FGD4: variants seen among roughly 807,000 people sequenced by gnomAD.
FGD4 encodes the protein FYVE, RhoGEF and PH domain containing 4.
A neutral mutation model predicts 102.0 loss-of-function variants in FGD4; 42 were observed. That is an observed-to-expected ratio of 0.41 (90% CI 0.32 to 0.53). FGD4 has a LOEUF of 0.53. Among genes scored for constraint, FGD4 ranks in the 20% least tolerant of loss-of-function variants. The probability of loss-of-function intolerance (pLI) is 0.21; values close to 1 mark genes in which losing one functional copy is unlikely to be tolerated. For missense variants in FGD4, 902 were observed against 1,078.2 expected (o/e 0.84, Z 2.29); for synonymous variants, 380 against 375.7 (o/e 1.01, Z -0.13).
At chr12:32,401,487 C>G (rs1341847087) in intron 1 of FGD4, among the ~76,000 whole-genome samples, 5 of 151,964 alleles carry the variant, frequency 3.3e-5, no homozygotes, top group Non-Finnish European at 7.4e-5. Flanking sequence ...TCTCGAACTC[C>G]TGATCTCAAG....
intron 1 of FGD4, among the ~76,000 whole-genome samples, chr12:32,420,669 A>G (rs1051029714): frequency 1.1e-4 from 16 of 152,018 alleles, no homozygotes; most frequent in Admixed American, 1.0e-3. Flanking sequence ...GCTTTCCCTG[A>G]CTAGAAAAAA....
At chr12:32,631,503 C>CTTTTT (rs1228901589) in intron 14 of FGD4, among the ~76,000 whole-genome samples, 9 of 124,556 alleles carry the variant, frequency 7.2e-5, no homozygotes, top group South Asian at 2.7e-4. Flanking sequence ...GAGCAAACAG[C>CTTTTT]TTTTTTTTTT....
At chr12:32,553,092 C>A (rs1943834370) in intron 1 of FGD4, among the ~76,000 whole-genome samples, 2 of 151,990 alleles carry the variant, frequency 1.3e-5, no homozygotes, top group Non-Finnish European at 2.9e-5. Flanking sequence ...CTGCACCTGG[C>A]CGGAGTATGC....
intron 7 of FGD4, among the ~76,000 whole-genome samples, chr12:32,606,545 C>A (rs1592383197): frequency 1.3e-5 from 2 of 150,844 alleles, no homozygotes; most frequent in Non-Finnish European, 2.9e-5. Flanking sequence ...CCTGTTCTCT[C>A]AGGTTTCTCC....
intron 1 of FGD4, among the ~76,000 whole-genome samples, chr12:32,548,832 C>T (rs1433204632): frequency 2.0e-5 from 3 of 152,154 alleles, no homozygotes; most frequent in South Asian, 2.1e-4. Flanking sequence ...TGGGAACATA[C>T]GGGATCAGGT....
rs576112325 is a variant in FGD4, at chr12:32,474,506, T to A, written c.166+74547T>A. Among the ~76,000 whole-genome samples, 12 of 152,332 alleles carry A rather than the reference T, an allele frequency of 7.9e-5. No individual in the cohort carries two copies. The South Asian group carries it at 2.5e-3, about 32-fold the overall frequency. On this transcript the variant is annotated intron_variant, in intron 1 of 16. Coordinates refer to ENST00000534526, the MANE Select transcript of FGD4 (RefSeq NM_001370298.3). The stretch of plus-strand genomic sequence containing the variant: ...CAGTCACAAAAGACCATGTGTTGTA[T>A]GCTTCCATGTATATGAAATGTCCCA...
intron 1 of FGD4, among the ~76,000 whole-genome samples, chr12:32,533,573 A>G (rs982280343): frequency 6.6e-6 from 1 of 152,018 alleles, no homozygotes; most frequent in Non-Finnish European, 1.5e-5. Context: ...TTACAGGTGC[A>G]TGCCACCACA....
intron 1 of FGD4, among the ~76,000 whole-genome samples, chr12:32,411,148 C>T (rs562239686): frequency 7.9e-5 from 12 of 151,052 alleles, no homozygotes; most frequent in Non-Finnish European, 1.2e-4. Context: ...AGACTGGTCT[C>T]GAACTCCTGA....
At position 32,641,242 on chromosome 12, in the gene FGD4, G is replaced by A. The variant is rs1951142061; in HGVS notation, c.*709G>A. 6.6e-6 allele frequency: 1 copy of A among 152,038 alleles called. No individual in the cohort carries two copies. The highest frequency in any genetic ancestry group is 6.6e-5 in the Admixed American group (1 of 15,244). The allele number at this position is 152,038 out of a possible 1,614,324, so 9.4% of individuals were successfully genotyped here. On this transcript the variant is annotated 3_prime_UTR_variant, in exon 17 of 17. Transcript: ENST00000534526. ...ATAAAGCATGGTTTATCGTGGAATT[G>A]AGCAATGTTCTAAACTGAAGAAATG... is the stretch of plus-strand genomic sequence containing the variant.
At chr12:32,456,592 C>A (rs932828395) in intron 1 of FGD4, among the ~76,000 whole-genome samples, 1 of 152,108 alleles carries the variant, frequency 6.6e-6, no homozygotes, top group Non-Finnish European at 1.5e-5. Flanking sequence ...GAGATTGATG[C>A]TGCCAAATAT....
intron 1 of FGD4, among the ~76,000 whole-genome samples, chr12:32,418,920 G>C (rs1941526421): frequency 1.3e-5 from 2 of 152,154 alleles, no homozygotes; most frequent in South Asian, 4.1e-4. Context: ...GGTGGCACGT[G>C]ACCCACAAGA....
At chr12:32,625,112 T>A in intron 13 of FGD4, 44 bp downstream of exon 13, 2 of 1,494,268 alleles carry the variant, frequency 1.3e-6, no homozygotes, top group Non-Finnish European at 9.3e-7. Context: ...TTCATATCTT[T>A]GCAGGTGTAG....
intron 1 of FGD4, among the ~76,000 whole-genome samples, chr12:32,449,920 T>A (rs1040535019): frequency 2.1e-5 from 2 of 95,098 alleles, no homozygotes; most frequent in Non-Finnish European, 5.5e-5. Flanking sequence ...TTTTTATTTA[T>A]TTTTTTTTAT....
chr12:32,530,941 G>GTTTTTTTTTTTTTTTTTT lies in FGD4; in HGVS notation c.167-33184_167-33167dup, dbSNP rs768536136. Among the ~76,000 whole-genome samples the GTTTTTTTTTTTTTTTTTT allele has an allele frequency of 1.4e-4, 10 of 70,478 alleles. 2 individuals are homozygous for GTTTTTTTTTTTTTTTTTT. Among genetic ancestry groups the GTTTTTTTTTTTTTTTTTT allele is most frequent in the African/African-American group, 6.9e-4 (10 of 14,492 alleles). The allele number at this position is 70,478 out of a possible 152,430, so 46.2% of individuals were successfully genotyped here. ...TATGACAATCAGTTTCCTAGCTTTGGTTTTTTTTTTTTTTTTTTTTTTTTT... is the reference window on the plus strand; with the variant it reads ...TATGACAATCAGTTTCCTAGCTTTGGTTTTTTTTTTTTTTTTTTTTTTTTTTTTTTTTTTTTTTTTTTT... On this transcript the variant is annotated intron_variant, in intron 1 of 16. Coordinates refer to ENST00000534526, the MANE Select transcript of FGD4 (RefSeq NM_001370298.3).
chr12:32,602,983 T>C (rs953820895), intron 7 of FGD4, among the ~76,000 whole-genome samples: 1 of 152,192 alleles, frequency 6.6e-6, no homozygotes, highest in African/African-American at 2.4e-5. Flanking sequence ...CAGTGGTTGC[T>C]TTTAGGATTA....
At chr12:32,502,384 TG>T (rs1938291704) in intron 1 of FGD4, 1 of 974,600 alleles carries the variant, frequency 1.0e-6, no homozygotes, top group Non-Finnish European at 1.2e-6. Flanking sequence ...TACGTTTGTG[TG>T]GGGGCATTAT....
chr12:32,469,633 AGTTT>A (rs1943361876), intron 1 of FGD4, among the ~76,000 whole-genome samples: 1 of 150,694 alleles, frequency 6.6e-6, no homozygotes, highest in South Asian at 2.1e-4. Context: ...CCTAGACTAC[AGTTT>A]GTTTAAACCA....
chr12:32,463,582 A>G (rs1409486637), intron 1 of FGD4, among the ~76,000 whole-genome samples: 1 of 152,242 alleles, frequency 6.6e-6, no homozygotes, highest in African/African-American at 2.4e-5. Context: ...ACTCTGTGCA[A>G]TGAACATGGA....
intron 1 of FGD4, among the ~76,000 whole-genome samples, chr12:32,431,386 G>C (rs908262663): frequency 5.3e-5 from 8 of 152,156 alleles, no homozygotes; most frequent in Admixed American, 3.9e-4. Context: ...CATAGGTCCT[G>C]AGTCCCAGTG....
Sources: allele counts gnomAD v4.1 joint callset (sites outside exome capture counted in the v4.1 genomes callset), GRCh38; gene constraint gnomAD v4.1.1; transcripts MANE v1.5; gene names NCBI Gene and HGNC (gene_info 2026-07-23, HGNC 2026-07-21).